The following ZNF469 variants were observed in gnomAD, a reference collection of about 807,000 sequenced individuals.
The protein encoded by ZNF469 is zinc finger protein 469.
Under a neutral mutation model 1.0 loss-of-function variants are expected in ZNF469, and 1 was observed. That is an observed-to-expected ratio of 1.00 (90% CI 0.35 to 4.73). The LOEUF (loss-of-function observed/expected upper bound fraction) is 4.73. Ranked by LOEUF, ZNF469 falls within the 30% of genes most tolerant of loss-of-function variation. The pLI is 0.16. For synonymous variants in ZNF469, 2,703 were observed against 2,363.4 expected, an observed-to-expected ratio of 1.14 and a Z score of -4.17; for missense variants, 6,100 against 5,356.3, an observed-to-expected ratio of 1.14 and a Z score of -4.33.
chr16:88,379,322 G>A (rs1382086399), upstream of ZNF469, among the ~76,000 whole-genome samples: 2 of 152,128 alleles, frequency 1.3e-5, no homozygotes, highest in African/African-American at 4.8e-5. Context: ...TGGAAAGCAG[G>A]GGCTAGGACC....
At chr16:88,304,549 C>G in the ZNF469 span, among the ~76,000 whole-genome samples, 1 of 152,262 alleles carries the variant, frequency 6.6e-6, no homozygotes, top group Non-Finnish European at 1.5e-5. Context: ...AGCATGTTCC[C>G]ATATCCACCC....
the ZNF469 span, among the ~76,000 whole-genome samples, chr16:88,162,645 A>G: frequency 6.6e-6 from 1 of 151,080 alleles, no homozygotes; most frequent in Non-Finnish European, 1.5e-5. Context: ...TCAAAAAAGC[A>G]TTTATCTTAA....
At chr16:88,158,187 C>T in the ZNF469 span, among the ~76,000 whole-genome samples, 1 of 151,832 alleles carries the variant, frequency 6.6e-6, no homozygotes. Context: ...CTGCTGGGGC[C>T]CCACCTTGAG....
At chr16:88,268,926 T>C in the ZNF469 span, among the ~76,000 whole-genome samples, 6 of 152,134 alleles carry the variant, frequency 3.9e-5, no homozygotes, top group Non-Finnish European at 8.8e-5. Context: ...CTTGGACACA[T>C]AGAGCCCTGG....
chr16:88,326,376 G>A, the ZNF469 span, among the ~76,000 whole-genome samples: 3 of 152,212 alleles, frequency 2.0e-5, no homozygotes, highest in Admixed American at 6.5e-5. Flanking sequence ...CCCCAGCCAC[G>A]TGGAACTGTA....
chr16:88,273,802 A>ATTTTTT, the ZNF469 span, among the ~76,000 whole-genome samples: 1 of 117,778 alleles, frequency 8.5e-6, no homozygotes, highest in African/African-American at 3.1e-5. Flanking sequence ...ACACTGTGGA[A>ATTTTTT]TATTTTTTTT....
chr16:88,243,353 C>T, the ZNF469 span, among the ~76,000 whole-genome samples: 1 of 152,144 alleles, frequency 6.6e-6, no homozygotes, highest in Non-Finnish European at 1.5e-5. Context: ...GGATCCAGTC[C>T]CTGTCTACAA....
the ZNF469 span, among the ~76,000 whole-genome samples, chr16:88,151,270 C>A: frequency 6.6e-6 from 1 of 152,372 alleles, no homozygotes; most frequent in East Asian, 1.9e-4. The surrounding 1 kb of genome is among the most constrained non-coding windows in gnomAD (Gnocchi z 5.4). Context: ...GCCGGGACGA[C>A]CCCAGATCAC....
At chr16:88,384,817 C>T (rs1323722062) in intron 1 of ZNF469, among the ~76,000 whole-genome samples, 1 of 152,068 alleles carries the variant, frequency 6.6e-6, no homozygotes, top group Admixed American at 6.5e-5. Flanking sequence ...TGAACTTCAA[C>T]CCCCTCATCA....
the ZNF469 span, among the ~76,000 whole-genome samples, chr16:88,287,213 A>G: frequency 2.0e-4 from 30 of 152,244 alleles, no homozygotes; most frequent in African/African-American, 6.0e-4. Context: ...TCACTGCTGT[A>G]TAATACACCC....
the ZNF469 span, among the ~76,000 whole-genome samples, chr16:88,169,440 A>G: frequency 0.11 from 17,459 of 151,978 alleles, 1,273 homozygotes; most frequent in African/African-American, 0.19. This position sits in a 1 kb window ranked among gnomAD's most constrained non-coding sequence, Gnocchi z 6.1. Flanking sequence ...TGTCCTGGAG[A>G]TGATTTTGCC....
the ZNF469 span, among the ~76,000 whole-genome samples, chr16:88,296,463 CA>C: frequency 4.3e-3 from 631 of 145,114 alleles, 6 homozygotes; most frequent in African/African-American, 0.016. Context: ...CCCTCCCCCC[CA>C]CACACAGTGC....
At position 88,434,052 on chromosome 16, in the gene ZNF469, G is replaced by T; in HGVS notation, c.6582G>T (p.Val2194=). 1 of 1,550,286 alleles carries T rather than the reference G, an allele frequency of 6.5e-7. No individual in the cohort carries two copies. Among genetic ancestry groups the T allele is most frequent in the Non-Finnish European group, 8.7e-7 (1 of 1,146,892 alleles). ...TTDTGAEDSP[V]APPSLTTSPC... ...ATACTGGGGCTGAGGATTCCCCGGT[G>T]GCTCCCCCGTCTTTGACAACAAGCC... The change falls in exon 3 of 3, where the codon GTG becomes GTT. Residue 2194 remains valine (V), a synonymous_variant. Transcript: ENST00000565624.
At chr16:88,347,445 C>A in the ZNF469 span, among the ~76,000 whole-genome samples, 1 of 152,132 alleles carries the variant, frequency 6.6e-6, no homozygotes, top group African/African-American at 2.4e-5. Context: ...CGTAGACACC[C>A]GGAGGAGACA....
the ZNF469 span, among the ~76,000 whole-genome samples, chr16:88,265,562 G>A: frequency 1.3e-5 from 2 of 152,210 alleles, no homozygotes; most frequent in African/African-American, 2.4e-5. Context: ...GTAAAGGAGT[G>A]CGTGCAGCGT....
chr16:88,240,950 C>T, the ZNF469 span, among the ~76,000 whole-genome samples: 1 of 152,118 alleles, frequency 6.6e-6, no homozygotes, highest in South Asian at 2.1e-4. Flanking sequence ...ACCCCAGGGG[C>T]TGGGCGGAAA....
the ZNF469 span, among the ~76,000 whole-genome samples, chr16:88,259,452 G>A: frequency 6.6e-6 from 1 of 152,224 alleles, no homozygotes; most frequent in African/African-American, 2.4e-5. This position sits in a 1 kb window ranked among gnomAD's most constrained non-coding sequence, Gnocchi z 4.1. Flanking sequence ...GGCCTTTGTA[G>A]ATGTGGATGC....
the ZNF469 span, among the ~76,000 whole-genome samples, chr16:88,142,420 G>A: frequency 7.9e-5 from 12 of 152,198 alleles, no homozygotes; most frequent in African/African-American, 2.7e-4. Flanking sequence ...CCTGAGGCTC[G>A]AAAGTGGAAA....
the ZNF469 span, among the ~76,000 whole-genome samples, chr16:88,220,507 C>T: frequency 6.6e-6 from 1 of 152,198 alleles, no homozygotes; most frequent in African/African-American, 2.4e-5. Flanking sequence ...CACAGTGTGA[C>T]CCATGACGGG....
Sources: gnomAD v4.1 joint callset for allele counts (sites outside exome capture counted in the v4.1 genomes callset) on GRCh38, gnomAD v4.1.1 for gene constraint, Gnocchi (gnomAD v3.1) non-coding constraint, MANE v1.5 for transcripts, NCBI Gene and HGNC (gene_info 2026-07-23, HGNC 2026-07-21) for gene names.